Variants in LYPD6B observed in about 807,000 individuals in gnomAD.
The protein encoded by LYPD6B is ly6/PLAUR domain-containing protein 6B.
In LYPD6B, 17 loss-of-function variants were observed where a neutral mutation model predicts 22.8. The observed-to-expected ratio is 0.75, with a 90% CI of 0.51 to 1.12. The LOEUF (loss-of-function observed/expected upper bound fraction) is 1.12, where lower values mean the gene tolerates loss of function less well. Among genes scored for constraint, LYPD6B ranks in the 50% most tolerant of loss-of-function variants. The pLI, the probability that LYPD6B is intolerant of heterozygous loss-of-function variation, is 0.00. For synonymous variants in LYPD6B, 106 were observed against 91.6 expected (o/e 1.16, Z -0.90); for missense variants, 221 against 258.3 (o/e 0.86, Z 0.99).
chr2:149,198,570 TATTA>T (rs1335355024), intron 3 of LYPD6B, among the ~76,000 whole-genome samples: 3 of 152,234 alleles, frequency 2.0e-5, no homozygotes, highest in Non-Finnish European at 2.9e-5. Flanking sequence ...ATGGGCCATG[TATTA>T]ATTCATGATT....
chr2:149,136,715 A>G (rs973903480), intron 2 of LYPD6B, among the ~76,000 whole-genome samples: 3 of 152,356 alleles, frequency 2.0e-5, no homozygotes, highest in Non-Finnish European at 2.9e-5. Context: ...TTGCTGACTT[A>G]TAAGCTTTGT....
chr2:149,162,019 A>G (rs556098439), intron 3 of LYPD6B, among the ~76,000 whole-genome samples: 11 of 152,294 alleles, frequency 7.2e-5, no homozygotes, highest in Non-Finnish European at 1.5e-4. Context: ...AGAATCTGCT[A>G]GTAAGAAACC....
chr2:149,144,938 T>A lies in LYPD6B; in HGVS notation c.5+13985T>A, dbSNP rs1688924046. On this transcript the variant is annotated intron_variant, in intron 2 of 6. Coordinates refer to ENST00000409642, the MANE Select transcript of LYPD6B (RefSeq NM_177964.5). ...ACGTGGTGTCAACTGCTCTACTTGTTACTGCCCATTGATTGTGTTCCTTAC... is the reference window on the plus strand; with the variant it reads ...ACGTGGTGTCAACTGCTCTACTTGTAACTGCCCATTGATTGTGTTCCTTAC... 3.9e-5 allele frequency among the ~76,000 whole-genome samples: 6 copies of A among 152,190 alleles called. No individual in the cohort carries two copies. The South Asian group carries it at 1.2e-3, about 31-fold the overall frequency.
intron 3 of LYPD6B, among the ~76,000 whole-genome samples, chr2:149,199,976 T>C (rs1006366711): frequency 6.6e-6 from 1 of 152,236 alleles, no homozygotes; most frequent in African/African-American, 2.4e-5. Context: ...AGCAAGTAAA[T>C]GGTAAACTTT....
chr2:149,153,558 C>T (rs1208800025), intron 2 of LYPD6B, among the ~76,000 whole-genome samples: 5 of 152,018 alleles, frequency 3.3e-5, no homozygotes, highest in African/African-American at 9.7e-5. Flanking sequence ...GGGCGAATCA[C>T]GAGATCAGGA....
intron 1 of LYPD6B, among the ~76,000 whole-genome samples, chr2:149,124,951 C>T (rs1398651371): frequency 6.6e-6 from 1 of 152,270 alleles, no homozygotes; most frequent in African/African-American, 2.4e-5. Flanking sequence ...TTCAGGTAGA[C>T]CCAGGCTCAG....
At chr2:149,179,093 G>T (rs753758856) in intron 3 of LYPD6B, among the ~76,000 whole-genome samples, 6 of 152,164 alleles carry the variant, frequency 3.9e-5, no homozygotes, top group Admixed American at 2.6e-4. Context: ...GGCAGGAGAC[G>T]AGTGCATGCT....
intron 3 of LYPD6B, among the ~76,000 whole-genome samples, chr2:149,186,451 G>A (rs189145625): frequency 3.3e-5 from 5 of 152,306 alleles, no homozygotes; most frequent in African/African-American, 2.4e-5. Flanking sequence ...ACTAGCAGAG[G>A]TGGGTTCATG....
At chr2:149,159,688 T>G (rs1340201173) in intron 2 of LYPD6B, among the ~76,000 whole-genome samples, 1 of 151,640 alleles carries the variant, frequency 6.6e-6, no homozygotes, top group Non-Finnish European at 1.5e-5. Flanking sequence ...CATACAATTG[T>G]GGGGCTTGGC....
chr2:149,133,947 C>G (rs902001479), intron 2 of LYPD6B, among the ~76,000 whole-genome samples: 1 of 151,952 alleles, frequency 6.6e-6, no homozygotes, highest in Non-Finnish European at 1.5e-5. Flanking sequence ...GAGGAAAGAC[C>G]AACAAGCAAT....
At chr2:149,066,254 G>A (rs1248950872) in intron 1 of LYPD6B, among the ~76,000 whole-genome samples, 2 of 151,390 alleles carry the variant, frequency 1.3e-5, no homozygotes, top group Non-Finnish European at 2.9e-5. Context: ...GTATACATGT[G>A]CCATGTTGGT....
intron 1 of LYPD6B, among the ~76,000 whole-genome samples, chr2:149,074,730 C>A (rs1684801545): frequency 6.6e-6 from 1 of 152,246 alleles, no homozygotes; most frequent in South Asian, 2.1e-4. Context: ...CTACCACTTA[C>A]TTTCCTGGGA....
intron 3 of LYPD6B, among the ~76,000 whole-genome samples, chr2:149,162,440 C>T (rs1690134030): frequency 6.6e-6 from 1 of 152,176 alleles, no homozygotes; most frequent in Non-Finnish European, 1.5e-5. Flanking sequence ...ACCCATTGAA[C>T]AGCACTGAAT....
At chr2:149,061,360 A>G (rs573004794) in intron 1 of LYPD6B, among the ~76,000 whole-genome samples, 13 of 152,200 alleles carry the variant, frequency 8.5e-5, no homozygotes, top group Admixed American at 8.5e-4. Flanking sequence ...ATAAGACTTA[A>G]TGTTTAGATT....
chr2:149,214,891 G>A lies in LYPD6B; in HGVS notation c.*181G>A. On this transcript the variant is annotated 3_prime_UTR_variant, in exon 7 of 7. Transcript: ENST00000409642. ...TTCCCGCATGAGGCCACAGGACTGA[G>A]GATGGGAATTTGGCAGGGCCTGAGA... 1 of 656,306 alleles carries A rather than the reference G, an allele frequency of 1.5e-6. No homozygotes were observed. The highest frequency in any genetic ancestry group is 2.6e-6 in the Non-Finnish European group (1 of 380,932). 40.7% of individuals were successfully genotyped at this position (656,306 alleles called of 1,614,324 possible).
chr2:149,073,164 C>A (rs1240782639), intron 1 of LYPD6B, among the ~76,000 whole-genome samples: 1 of 152,130 alleles, frequency 6.6e-6, no homozygotes, highest in Non-Finnish European at 1.5e-5. Context: ...AGTAGAATGG[C>A]AGGCTGGCAG....
intron 1 of LYPD6B, among the ~76,000 whole-genome samples, chr2:149,040,427 T>A (rs538932200): frequency 5.6e-4 from 85 of 152,222 alleles, no homozygotes; most frequent in Middle Eastern, 6.8e-3. Context: ...GGTTTCACCA[T>A]GTTGGCCAGG....
intron 2 of LYPD6B, among the ~76,000 whole-genome samples, chr2:149,133,857 T>G (rs548479831): frequency 1.3e-5 from 2 of 152,266 alleles, no homozygotes; most frequent in South Asian, 2.1e-4. Flanking sequence ...ATTGAATGCC[T>G]TCTTGGTGCC....
intron 1 of LYPD6B, among the ~76,000 whole-genome samples, chr2:149,074,794 G>A (rs1286048837): frequency 1.4e-5 from 2 of 147,212 alleles, no homozygotes; most frequent in Non-Finnish European, 3.0e-5. Context: ...CCTATGAAAT[G>A]CTTTAAAAGT....
Sources: allele counts gnomAD v4.1 joint callset (sites outside exome capture counted in the v4.1 genomes callset), GRCh38; gene constraint gnomAD v4.1.1; transcripts MANE v1.5; gene names NCBI Gene and HGNC (gene_info 2026-07-23, HGNC 2026-07-21).